EFHB: variants seen among roughly 807,000 people sequenced by gnomAD.
The protein encoded by EFHB is EF-hand domain family member B.
EFHB carries 91 observed loss-of-function variants against 87.2 expected under a neutral mutation model. The ratio of observed to expected loss-of-function variants is 1.04; its 90% CI spans 0.88 to 1.24. EFHB has a LOEUF of 1.24. Among genes scored for constraint, EFHB ranks in the 50% most tolerant of loss-of-function variants. The pLI is 0.00. For missense variants in EFHB, 1,084 were observed against 998.8 expected (o/e 1.09, Z -1.15); for synonymous variants, 325 against 333.6 (o/e 0.97, Z 0.28).
intron 4 of EFHB, 64 bp downstream of exon 4, chr3:19,918,168 T>C (rs1695299869): frequency 1.5e-6 from 2 of 1,377,314 alleles, no homozygotes; most frequent in Non-Finnish European, 2.0e-6. Context: ...AGATATTTAA[T>C]CAAATTTTCC....
upstream of EFHB, among the ~76,000 whole-genome samples, chr3:19,936,969 G>C (rs1277155948): frequency 1.3e-5 from 2 of 151,848 alleles, no homozygotes; most frequent in Non-Finnish European, 2.9e-5. Flanking sequence ...TTGAGTTCGA[G>C]ACCAGCCTGG....
At position 19,905,746 on chromosome 3, in the gene EFHB, T is replaced by C. The variant is rs758829170; in HGVS notation, c.1292A>G (p.Glu431Gly). ...TGGGTTATACTTTCGGTTCTTTGCC[T>C]CTCCTGTGGAAAAAGAAAGGAAGAC... ...VVSHNDYYAG[E>G]AKNRKYNPSS... Residue 431 changes from glutamate to glycine, a missense_variant, in exon 6 of 13, where the codon GAG becomes GGG. Coordinates refer to ENST00000295824, the MANE Select transcript of EFHB (RefSeq NM_144715.4). The C allele has an allele frequency of 6.2e-7, 1 of 1,603,276 alleles. No individual in the cohort carries two copies. Among genetic ancestry groups the C allele is most frequent in the South Asian group, 1.1e-5 (1 of 89,760 alleles).
At chr3:19,936,066 G>T, upstream of EFHB, 2 of 1,150,698 alleles carry the variant, frequency 1.7e-6, no homozygotes, top group African/African-American at 1.7e-5. Flanking sequence ...CAGGATTCCA[G>T]AACTCTACAA....
intron 1 of EFHB, among the ~76,000 whole-genome samples, chr3:19,929,609 T>A (rs1695756626): frequency 6.8e-6 from 1 of 146,200 alleles, no homozygotes; most frequent in South Asian, 2.1e-4. Flanking sequence ...CTCAGGAGGC[T>A]GAGGCAGGAG....
At chr3:19,921,805 A>G (rs1354811716) in intron 1 of EFHB, among the ~76,000 whole-genome samples, 1 of 152,078 alleles carries the variant, frequency 6.6e-6, no homozygotes, top group Non-Finnish European at 1.5e-5. Flanking sequence ...GTTATAAGAA[A>G]TCTCACTAAT....
intron 5 of EFHB, among the ~76,000 whole-genome samples, chr3:19,913,141 T>G (rs1695117622): frequency 6.6e-6 from 1 of 152,126 alleles, no homozygotes; most frequent in Non-Finnish European, 1.5e-5. Context: ...CCCCAGCTAG[T>G]ATGATACTGA....
At chr3:19,914,681 T>C (rs150936645) in intron 5 of EFHB, among the ~76,000 whole-genome samples, 412 of 152,254 alleles carry the variant, frequency 2.7e-3, no homozygotes, top group African/African-American at 9.5e-3. Context: ...AATAAGTAAA[T>C]TGCCCAAATT....
intron 9 of EFHB, among the ~76,000 whole-genome samples, chr3:19,890,844 G>T (rs1425659598): frequency 6.6e-6 from 1 of 152,116 alleles, no homozygotes; most frequent in Non-Finnish European, 1.5e-5. Flanking sequence ...GCCTGTCACT[G>T]AGCTCTTCTG....
chr3:19,894,989 A>AATATATATATATAT (rs1553629698), intron 9 of EFHB: 5 of 144,512 alleles, frequency 3.5e-5, no homozygotes, highest in African/African-American at 1.1e-4. Flanking sequence ...TGTCTCAAAA[A>AATATATATATATAT]ATATATATAT....
intron 1 of EFHB, chr3:19,946,888 A>G (rs933583712): frequency 5.3e-5 from 8 of 152,290 alleles, no homozygotes; most frequent in Non-Finnish European, 7.3e-5. Flanking sequence ...CTAAATAACA[A>G]TGGCGCTGGA....
chr3:19,931,045 T>A (rs1270277380), intron 1 of EFHB, among the ~76,000 whole-genome samples: 2 of 152,150 alleles, frequency 1.3e-5, no homozygotes, highest in East Asian at 3.8e-4. Flanking sequence ...GCTCCTAGAA[T>A]TCCAGCTACT....
At chr3:19,899,352 G>A in intron 7 of EFHB, 80 bp downstream of exon 7, 3 of 919,498 alleles carry the variant, frequency 3.3e-6, no homozygotes, top group East Asian at 2.6e-5. Flanking sequence ...AATCTAATAG[G>A]CACACCAACA....
At chr3:19,884,932 A>AAG (rs1213973418) in intron 10 of EFHB, among the ~76,000 whole-genome samples, 1 of 150,740 alleles carries the variant, frequency 6.6e-6, no homozygotes, top group African/African-American at 2.5e-5. Context: ...AAAAAAAAAA[A>AAG]ATAGAGCGGC....
chr3:19,911,044 G>A (rs1277041395), intron 5 of EFHB, among the ~76,000 whole-genome samples: 1 of 152,104 alleles, frequency 6.6e-6, no homozygotes, highest in Non-Finnish European at 1.5e-5. Context: ...CAGACACCAA[G>A]GAACATCTAC....
At chr3:19,914,219 G>A (rs112033004) in intron 5 of EFHB, among the ~76,000 whole-genome samples, 134 of 152,232 alleles carry the variant, frequency 8.8e-4, no homozygotes, top group African/African-American at 2.7e-3. Flanking sequence ...GTGAGCCACC[G>A]CACCCAGACC....
At chr3:19,943,083 T>C (rs1279380320) in intron 1 of EFHB, 1 of 276,474 alleles carries the variant, frequency 3.6e-6, no homozygotes, top group Non-Finnish European at 7.5e-6. Flanking sequence ...TAATCAAGTC[T>C]GTGTCCAATC....
At chr3:19,920,006 T>C (rs1445668530) in intron 2 of EFHB, 30 bp from the exon 3 acceptor site, 4 of 1,610,998 alleles carry the variant, frequency 2.5e-6, no homozygotes, top group Non-Finnish European at 3.4e-6. Context: ...AAAATAGTAT[T>C]AAGTACAGTT....
intron 1 of EFHB, 72 bp downstream of exon 1, chr3:19,933,158 A>G (rs537992112): frequency 1.1e-5 from 16 of 1,461,848 alleles, no homozygotes; most frequent in East Asian, 2.5e-5. Context: ...AACAAATTTT[A>G]TCACTTTATC....
At chr3:19,942,894 C>G (rs1340269179) in intron 1 of EFHB, 1 of 156,350 alleles carries the variant, frequency 6.4e-6, no homozygotes, top group African/African-American at 2.4e-5. Flanking sequence ...CACTCACCTC[C>G]TGCTGGGCAG....
Sources: allele counts gnomAD v4.1 joint callset (sites outside exome capture counted in the v4.1 genomes callset), GRCh38; gene constraint gnomAD v4.1.1; transcripts MANE v1.5; gene names NCBI Gene and HGNC (gene_info 2026-07-23, HGNC 2026-07-21).